PLEKHF2: variants seen among roughly 807,000 people sequenced by gnomAD.
The protein encoded by PLEKHF2 is pleckstrin homology domain-containing family F member 2.
PLEKHF2 carries 4 observed loss-of-function variants against 14.7 expected under a neutral mutation model. The ratio of observed to expected loss-of-function variants is 0.27; its 90% CI spans 0.13 to 0.62. PLEKHF2 has a LOEUF of 0.62. Ranked by LOEUF, PLEKHF2 falls within the 20% of genes least tolerant of loss-of-function variation. PLEKHF2 has a pLI of 0.85. For synonymous variants in PLEKHF2, 90 were observed against 103.5 expected (o/e 0.87, Z 0.79); for missense variants, 201 against 307.7 (o/e 0.65, Z 2.60).
chr8:95,134,103 G>T (rs1172361319), intron 1 of PLEKHF2, 73 bp downstream of exon 1: 2 of 151,728 alleles, frequency 1.3e-5, no homozygotes, highest in East Asian at 3.9e-4. Flanking sequence ...CTTTCCGGGC[G>T]CTTCCTCCCG....
At chr8:95,135,401 C>G (rs922242046) in intron 1 of PLEKHF2, among the ~76,000 whole-genome samples, 1 of 151,728 alleles carries the variant, frequency 6.6e-6, no homozygotes, top group South Asian at 2.1e-4. Flanking sequence ...TCTCTTTTTC[C>G]TTCCTTCCTT....
At chr8:95,139,265 A>G (rs1375523042) in intron 1 of PLEKHF2, among the ~76,000 whole-genome samples, 1 of 152,104 alleles carries the variant, frequency 6.6e-6, no homozygotes, top group African/African-American at 2.4e-5. Flanking sequence ...GCCCTTTGTG[A>G]GGCCAAGATG....
At chr8:95,151,306 A>G (rs1161276903) in intron 1 of PLEKHF2, among the ~76,000 whole-genome samples, 1 of 152,116 alleles carries the variant, frequency 6.6e-6, no homozygotes, top group African/African-American at 2.4e-5. Context: ...TAATAACGAT[A>G]TGTTCAAATG....
At chr8:95,150,840 C>T (rs1810553868) in intron 1 of PLEKHF2, among the ~76,000 whole-genome samples, 1 of 152,018 alleles carries the variant, frequency 6.6e-6, no homozygotes, top group South Asian at 2.1e-4. Context: ...ATTAGTGTAC[C>T]ATAACATACT....
rs912565789 is a variant in PLEKHF2, at chr8:95,156,445, C to CT, written c.*1655dup. 8 of 166,798 alleles carry CT rather than the reference C, an allele frequency of 4.8e-5. No individual in the cohort carries two copies. Among genetic ancestry groups the CT allele is most frequent in the African/African-American group, 1.9e-4 (8 of 41,386 alleles). 10.3% of individuals were successfully genotyped at this position (166,798 alleles called of 1,614,324 possible). ...CTAGGGTTTTTTGTTCATTTGCTTGCTTTTATGATTTTTTTTGGTTTGTTT... is the reference window on the plus strand; with the variant it reads ...CTAGGGTTTTTTGTTCATTTGCTTGCTTTTTATGATTTTTTTTGGTTTGTTT... On this transcript the variant is annotated 3_prime_UTR_variant, in exon 2 of 2. Transcript: ENST00000315367.
chr8:95,154,009 T>C lies in PLEKHF2; in HGVS notation c.-14-22T>C, dbSNP rs750183695. 7.5e-6 allele frequency: 11 copies of C among 1,472,618 alleles called. No homozygotes were observed. Among genetic ancestry groups the C allele is most frequent in the Middle Eastern group, 1.8e-4 (1 of 5,540 alleles). 91.2% of individuals were successfully genotyped at this position (1,472,618 alleles called of 1,614,324 possible). A position where few individuals can be genotyped will look rare whatever the true frequency, so the allele number is the denominator to read the frequency against. ...GAATTTATAATTTATATGTGCTAAT[T>C]TCTTTTTCTTTTTTTTAAAAGGCTA... On this transcript the variant is annotated intron_variant, in intron 1 of 1. Transcript: ENST00000315367. The surrounding 1 kb of genome is among the most constrained non-coding windows in gnomAD (Gnocchi z 5.6).
chr8:95,144,174 G>A (rs1286792386), intron 1 of PLEKHF2, among the ~76,000 whole-genome samples: 2 of 152,104 alleles, frequency 1.3e-5, no homozygotes, highest in East Asian at 3.8e-4. Flanking sequence ...AAAATTTAGA[G>A]GGCTTGTTTA....
At chr8:95,136,329 T>TACACACACACACAC (rs773190083) in intron 1 of PLEKHF2, among the ~76,000 whole-genome samples, 1 of 63,018 alleles carries the variant, frequency 1.6e-5, no homozygotes, top group Non-Finnish European at 3.2e-5. Context: ...GTTTTTATTA[T>TACACACACACACAC]ATATACACAC....
chr8:95,138,753 A>G (rs1180731532), intron 1 of PLEKHF2, among the ~76,000 whole-genome samples: 1 of 152,202 alleles, frequency 6.6e-6, no homozygotes, highest in Non-Finnish European at 1.5e-5. Context: ...CACATTAAAT[A>G]TTGTGTTTTC....
intron 1 of PLEKHF2, among the ~76,000 whole-genome samples, chr8:95,147,716 A>G (rs76340229): frequency 0.028 from 4,308 of 152,118 alleles, 212 homozygotes; most frequent in African/African-American, 0.099. Context: ...GGATGATGCA[A>G]TGGTGAAATA....
chr8:95,136,333 TACACACACACACAC>T lies in PLEKHF2; in HGVS notation c.-15+2331_-15+2344del, dbSNP rs34457137. On this transcript the variant is annotated intron_variant, in intron 1 of 1. Transcript: ENST00000315367. ...TCCACAGATTGGTTTTTATTATATA[TACACACACACACAC>T]ACACACACACACACACACACACACA... Among the ~76,000 whole-genome samples the T allele has an allele frequency of 4.8e-5, 6 of 124,016 alleles. No homozygotes were observed. The East Asian group carries it at 1.0e-3, about 21-fold the overall frequency. 81.4% of individuals were successfully genotyped at this position (124,016 alleles called of 152,430 possible). A position where few individuals can be genotyped will look rare whatever the true frequency, so the allele number is the denominator to read the frequency against.
At chr8:95,146,477 G>A (rs1002417108) in intron 1 of PLEKHF2, among the ~76,000 whole-genome samples, 1 of 150,242 alleles carries the variant, frequency 6.7e-6, no homozygotes, top group Non-Finnish European at 1.5e-5. Flanking sequence ...TATGACATTT[G>A]GTCTCTCTTC....
chr8:95,139,105 T>A (rs961775162), intron 1 of PLEKHF2, among the ~76,000 whole-genome samples: 1 of 152,258 alleles, frequency 6.6e-6, no homozygotes, highest in Non-Finnish European at 1.5e-5. Context: ...TGTCATTTTT[T>A]AAATTTACTG....
At chr8:95,140,872 TTTAAG>T (rs942964542) in intron 1 of PLEKHF2, among the ~76,000 whole-genome samples, 1 of 152,220 alleles carries the variant, frequency 6.6e-6, no homozygotes, top group African/African-American at 2.4e-5. Flanking sequence ...TTTGCACAGA[TTTAAG>T]TTAATTGTAT....
At chr8:95,151,558 T>TAA (rs61241700) in intron 1 of PLEKHF2, among the ~76,000 whole-genome samples, 1 of 150,006 alleles carries the variant, frequency 6.7e-6, no homozygotes, top group African/African-American at 2.4e-5. Flanking sequence ...AAAATCACTT[T>TAA]AAAAAAAAAA....
At chr8:95,151,409 G>A (rs138979184) in intron 1 of PLEKHF2, among the ~76,000 whole-genome samples, 2 of 150,894 alleles carry the variant, frequency 1.3e-5, no homozygotes, top group African/African-American at 2.4e-5. Context: ...TAGGGCCTTT[G>A]CAGTTACTCC....
chr8:95,154,838 A>G lies in PLEKHF2; in HGVS notation c.*44A>G, dbSNP rs764277982. 6.3e-7 allele frequency: 1 copy of G among 1,588,058 alleles called. No homozygotes were observed. Among genetic ancestry groups the G allele is most frequent in the Admixed American group, 1.7e-5 (1 of 57,742 alleles). Reference sequence around the variant, plus strand: ...TTAATCAGGTGTGGCTATCTGAGAAATCAACTTTGGGGGAAATGTAAGATT... The same window carrying G: ...TTAATCAGGTGTGGCTATCTGAGAAGTCAACTTTGGGGGAAATGTAAGATT... On this transcript the variant is annotated 3_prime_UTR_variant, in exon 2 of 2. Transcript: ENST00000315367. The surrounding 1 kb of genome is among the most constrained non-coding windows in gnomAD (Gnocchi z 5.6).
At chr8:95,135,805 G>A (rs1810368581) in intron 1 of PLEKHF2, among the ~76,000 whole-genome samples, 1 of 152,082 alleles carries the variant, frequency 6.6e-6, no homozygotes, top group South Asian at 2.1e-4. Flanking sequence ...TAACTTTGTA[G>A]GATACATAAC....
At chr8:95,137,825 T>A (rs1810392494) in intron 1 of PLEKHF2, among the ~76,000 whole-genome samples, 1 of 152,254 alleles carries the variant, frequency 6.6e-6, no homozygotes, top group South Asian at 2.1e-4. Context: ...TTACTTGTCA[T>A]CATTCAGAAC....
Sources: allele counts gnomAD v4.1 joint callset (sites outside exome capture counted in the v4.1 genomes callset), GRCh38; gene constraint gnomAD v4.1.1; non-coding constraint Gnocchi (gnomAD v3.1); transcripts MANE v1.5; gene names NCBI Gene and HGNC (gene_info 2026-07-23, HGNC 2026-07-21).